Variants in CDH19 observed in about 807,000 individuals in gnomAD.
The protein encoded by CDH19 is cadherin-19.
CDH19 carries 67 observed loss-of-function variants against 64.2 expected under a neutral mutation model. The ratio of observed to expected loss-of-function variants is 1.04; its 90% CI spans 0.86 to 1.28. CDH19 has a LOEUF of 1.28. Among genes scored for constraint, CDH19 ranks in the 50% most tolerant of loss-of-function variants. CDH19 has a pLI of 0.00. For missense variants in CDH19, 1,030 were observed against 929.0 expected (o/e 1.11, Z -1.41); for synonymous variants, 346 against 319.3 (o/e 1.08, Z -0.89).
intron 5 of CDH19, among the ~76,000 whole-genome samples, chr18:66,545,383 T>A (rs1987072587): frequency 6.7e-6 from 1 of 149,704 alleles, no homozygotes; most frequent in Non-Finnish European, 1.5e-5. Context: ...TTCTTTCTCT[T>A]TTTCCTTTCT....
chr18:66,507,468 C>A (rs554948721), intron 11 of CDH19, among the ~76,000 whole-genome samples: 1 of 151,344 alleles, frequency 6.6e-6, no homozygotes, highest in Non-Finnish European at 1.5e-5. Context: ...TTGAGGGAGG[C>A]AAGAGCAGAG....
chr18:66,598,549 G>T (rs1277680133), intron 1 of CDH19, among the ~76,000 whole-genome samples: 1 of 152,092 alleles, frequency 6.6e-6, no homozygotes, highest in Non-Finnish European at 1.5e-5. Flanking sequence ...GGATGGAACT[G>T]GAGGCCATTA....
At chr18:66,562,128 G>A (rs527799792) in intron 3 of CDH19, among the ~76,000 whole-genome samples, 13 of 151,876 alleles carry the variant, frequency 8.6e-5, no homozygotes, top group Non-Finnish European at 1.5e-4. Flanking sequence ...CATGGTCAGG[G>A]TGGGGAGTGG....
At chr18:66,588,089 A>G (rs1988628322) in intron 1 of CDH19, among the ~76,000 whole-genome samples, 1 of 152,026 alleles carries the variant, frequency 6.6e-6, no homozygotes, top group East Asian at 1.9e-4. Context: ...GAGTCTGCAC[A>G]TTCCCCCCAT....
chr18:66,503,957 T>C lies in CDH19; in HGVS notation c.*855A>G, dbSNP rs1985056080. 1 of 151,996 alleles carries C rather than the reference T, an allele frequency of 6.6e-6. No homozygotes were observed. Among genetic ancestry groups the C allele is most frequent in the Non-Finnish European group, 1.5e-5 (1 of 67,912 alleles). The allele number at this position is 151,996 out of a possible 1,614,324, so 9.4% of individuals were successfully genotyped here. On this transcript the variant is annotated 3_prime_UTR_variant, in exon 12 of 12. Coordinates refer to ENST00000262150, the MANE Select transcript of CDH19 (RefSeq NM_021153.4). ...GTGTTAAAGTTTTAAAGTTTATCTC[T>C]ATATAGTATCAGGAACTTAACCACA...
At chr18:66,602,755 A>G (rs1301211507) in intron 1 of CDH19, among the ~76,000 whole-genome samples, 1 of 146,400 alleles carries the variant, frequency 6.8e-6, no homozygotes, top group Non-Finnish European at 1.5e-5. Context: ...AATGACATAA[A>G]TTGATTGTTT....
intron 3 of CDH19, among the ~76,000 whole-genome samples, chr18:66,564,847 G>C (rs59690835): frequency 0.16 from 22,625 of 143,550 alleles, 1,813 homozygotes; most frequent in South Asian, 0.27. Context: ...TATACTACAC[G>C]TATTTTAAAT....
At position 66,551,224 on chromosome 18, in the gene CDH19, TTC is replaced by T; in HGVS notation, c.643_644del (p.Glu215ThrfsTer4). 6.4e-7 allele frequency: 1 copy of T among 1,554,826 alleles called. No homozygotes were observed. Among genetic ancestry groups the T allele is most frequent in the Non-Finnish European group, 8.9e-7 (1 of 1,127,444 alleles). On this transcript the variant is annotated frameshift_variant, in exon 5 of 12. Coordinates refer to ENST00000262150, the MANE Select transcript of CDH19 (RefSeq NM_021153.4). LOFTEE classifies it high-confidence loss of function. ...VIRISSKMDR[E>X]LQDEYWVIIQ... Reference sequence around the variant, plus strand: ...TGATTACCCAATACTCATCTTGCAGTTCTCTATCCATTTTAGAAGATATTCTT... The same window carrying T: ...TGATTACCCAATACTCATCTTGCAGTTCTATCCATTTTAGAAGATATTCTT...
In CDH19 at chr18:66,572,959, T is replaced by A. The variant is rs192839205; in HGVS notation, c.-112-643A>T. Among the ~76,000 whole-genome samples, 256 of 151,768 alleles carry A rather than the reference T, an allele frequency of 1.7e-3. 2 individuals carry two copies. Among genetic ancestry groups the A allele is most frequent in the South Asian group, 2.7e-3 (13 of 4,826 alleles). Reference sequence around the variant, plus strand: ...CAAAAACAAAATCCTCTTAGGACAATAAATACAAAATGATTGTTCCTGGGT... The same window carrying A: ...CAAAAACAAAATCCTCTTAGGACAAAAAATACAAAATGATTGTTCCTGGGT... On this transcript the variant is annotated intron_variant, in intron 1 of 11. Transcript: ENST00000262150.
In CDH19 at chr18:66,588,633, TATATAG is replaced by T. The variant is rs1988651103; in HGVS notation, c.-113+15315_-113+15320del. On this transcript the variant is annotated intron_variant, in intron 1 of 11. Coordinates refer to ENST00000262150, the MANE Select transcript of CDH19 (RefSeq NM_021153.4). Reference sequence around the variant, plus strand: ...ATATATCTATATCTATATCTATATATATATAGATACAGCTCAGATTTATTTCAGTGT... The same window carrying T: ...ATATATCTATATCTATATCTATATATATACAGCTCAGATTTATTTCAGTGT... Among the ~76,000 whole-genome samples, 10 of 142,936 alleles carry T rather than the reference TATATAG, an allele frequency of 7.0e-5. 3 individuals are homozygous for T. The highest frequency in any genetic ancestry group is 2.2e-4 in the South Asian group (1 of 4,534). 93.8% of individuals were successfully genotyped at this position (142,936 alleles called of 152,430 possible).
chr18:66,583,147 T>G (rs138107442), intron 1 of CDH19, among the ~76,000 whole-genome samples: 83 of 152,200 alleles, frequency 5.5e-4, no homozygotes, highest in African/African-American at 1.9e-3. Flanking sequence ...GTCTGATTTT[T>G]TAAAATTATT....
chr18:66,501,577 T>A lies in CDH19; in HGVS notation c.*3235A>T, dbSNP rs933181188. ...TGAGGAAGTTGACTTTTATTTTCAA[T>A]GTGCCGTGAGGCTGTTGAGATCACT... On this transcript the variant is annotated 3_prime_UTR_variant, in exon 12 of 12. Coordinates refer to ENST00000262150, the MANE Select transcript of CDH19 (RefSeq NM_021153.4). 3 of 152,182 alleles carry A rather than the reference T, an allele frequency of 2.0e-5. No individual in the cohort carries two copies. The highest frequency in any genetic ancestry group is 4.4e-5 in the Non-Finnish European group (3 of 68,048). The allele number at this position is 152,182 out of a possible 1,614,324, so 9.4% of individuals were successfully genotyped here.
chr18:66,597,964 C>A (rs1018233339), intron 1 of CDH19, among the ~76,000 whole-genome samples: 1 of 152,000 alleles, frequency 6.6e-6, no homozygotes, highest in Non-Finnish European at 1.5e-5. Context: ...ATGGGTGCAG[C>A]ACACCAACAT....
chr18:66,529,950 G>C lies in CDH19; in HGVS notation c.1353C>G (p.Ile451Met). The part of the protein sequence containing the change: ...TATEKYNIEQ[I>M]SSIPLYVQVL... Reference sequence around the variant, plus strand: ...CTTGCACATACAGTGGGATCGAAGAGATCTGTTCTATATTGTCTGCAATTT... The same window carrying C: ...CTTGCACATACAGTGGGATCGAAGACATCTGTTCTATATTGTCTGCAATTT... The change falls in exon 9 of 12, where the codon ATC becomes ATG. Residue 451 changes from isoleucine to methionine, a missense_variant. Transcript: ENST00000262150. The C allele has an allele frequency of 6.5e-7, 1 of 1,543,950 alleles. No homozygotes were observed. The highest frequency in any genetic ancestry group is 1.2e-5 in the South Asian group (1 of 86,028).
At chr18:66,581,468 A>G (rs1436889035) in intron 1 of CDH19, among the ~76,000 whole-genome samples, 6 of 152,104 alleles carry the variant, frequency 3.9e-5, no homozygotes, top group African/African-American at 1.4e-4. Flanking sequence ...CATTAGAGTC[A>G]GTGAACTGGG....
intron 1 of CDH19, among the ~76,000 whole-genome samples, chr18:66,582,671 G>A (rs1988459723): frequency 6.9e-6 from 1 of 145,960 alleles, no homozygotes; most frequent in Non-Finnish European, 1.5e-5. Flanking sequence ...AAGCCCTCTG[G>A]GACAGCTACA....
intron 5 of CDH19, among the ~76,000 whole-genome samples, chr18:66,547,516 G>A (rs967657271): frequency 2.0e-5 from 3 of 152,022 alleles, no homozygotes; most frequent in Non-Finnish European, 4.4e-5. Flanking sequence ...TCTTCAAACA[G>A]TGGTGTTTAT....
chr18:66,560,431 T>C (rs1225051695), intron 3 of CDH19, among the ~76,000 whole-genome samples: 1 of 151,772 alleles, frequency 6.6e-6, no homozygotes, highest in African/African-American at 2.4e-5. Context: ...TTTACACCTT[T>C]CACAAATATC....
intron 1 of CDH19, among the ~76,000 whole-genome samples, chr18:66,586,347 C>G (rs1162954513): frequency 6.6e-6 from 1 of 151,906 alleles, no homozygotes; most frequent in Non-Finnish European, 1.5e-5. Flanking sequence ...ATAAGAGTTT[C>G]TCTTCATCAA....
Sources: gnomAD v4.1 joint callset for allele counts (sites outside exome capture counted in the v4.1 genomes callset) on GRCh38, gnomAD v4.1.1 for gene constraint, MANE v1.5 for transcripts, NCBI Gene and HGNC (gene_info 2026-07-23, HGNC 2026-07-21) for gene names.